SYBU: variants seen among roughly 807,000 people sequenced by gnomAD.
The protein encoded by SYBU is GOLSYN A protein.
SYBU carries 21 observed loss-of-function variants against 35.9 expected under a neutral mutation model. The observed-to-expected ratio is 0.58, with a 90% CI of 0.41 to 0.84. The LOEUF is 0.84. SYBU is among the 40% of genes least tolerant of loss of function. SYBU has a pLI of 0.00. For missense variants in SYBU, 768 were observed against 848.2 expected (o/e 0.91, Z 1.17); for synonymous variants, 319 against 324.3 (o/e 0.98, Z 0.18).
At position 109,624,197 on chromosome 8, in the gene SYBU, A is replaced by C. The variant is rs115035849; in HGVS notation, c.230-5158T>G. Among the ~76,000 whole-genome samples, 1,239 of 152,320 alleles carry C rather than the reference A, an allele frequency of 8.1e-3. 8 individuals carry two copies. Among genetic ancestry groups the C allele is most frequent in the African/African-American group, 0.028 (1,181 of 41,562 alleles). On this transcript the variant is annotated intron_variant, in intron 2 of 6. Transcript: ENST00000276646. The stretch of plus-strand genomic sequence containing the variant: ...ACTGAGTTCATGGTCATATAAAAAA[A>C]CACATTACAGAGATAGAGAAAGGCC...
intron 1 of SYBU, among the ~76,000 whole-genome samples, chr8:109,654,165 A>G (rs1285603675): frequency 3.3e-5 from 5 of 152,272 alleles, no homozygotes; most frequent in South Asian, 2.1e-4. Flanking sequence ...ATATATTTCT[A>G]GTACAACCTG....
At chr8:109,623,843 GA>G (rs1812696055) in intron 2 of SYBU, among the ~76,000 whole-genome samples, 1 of 152,056 alleles carries the variant, frequency 6.6e-6, no homozygotes, top group Admixed American at 6.6e-5. Context: ...TGTGAAATCT[GA>G]AATACAGAAG....
At chr8:109,615,625 C>T (rs867732409) in intron 3 of SYBU, among the ~76,000 whole-genome samples, 1 of 152,122 alleles carries the variant, frequency 6.6e-6, no homozygotes, top group Non-Finnish European at 1.5e-5. Flanking sequence ...TTTAGGGACC[C>T]CTTTACCTTG....
At chr8:109,616,557 TACTGTTTC>T (rs1418070361) in intron 3 of SYBU, among the ~76,000 whole-genome samples, 3 of 152,182 alleles carry the variant, frequency 2.0e-5, no homozygotes, top group Non-Finnish European at 4.4e-5. Context: ...CATACTTGTC[TACTGTTTC>T]ACTGTTTCCT....
intron 1 of SYBU, among the ~76,000 whole-genome samples, chr8:109,686,021 A>C (rs1200252404): frequency 1.3e-5 from 2 of 152,178 alleles, no homozygotes; most frequent in Non-Finnish European, 2.9e-5. Context: ...CAAGCACATC[A>C]CTCAAATATA....
At chr8:109,681,928 G>C (rs941028058), upstream of SYBU, among the ~76,000 whole-genome samples, 3 of 151,972 alleles carry the variant, frequency 2.0e-5, no homozygotes, top group African/African-American at 7.3e-5. Context: ...TTTTATAAGG[G>C]GTTTCTCCCC....
chr8:109,575,107 G>A lies in SYBU; in HGVS notation c.1791C>T (p.Gly597=), dbSNP rs758731226. 3.7e-6 allele frequency: 6 copies of A among 1,612,522 alleles called. No homozygotes were observed. The highest frequency in any genetic ancestry group is 3.4e-6 in the Non-Finnish European group (4 of 1,179,040). Residue 597 remains glycine (G), a synonymous_variant, in exon 7 of 7, where the codon GGC becomes GGT. Coordinates refer to ENST00000276646, the MANE Select transcript of SYBU (RefSeq NM_001099754.2). ...LDGVIPLARG[G]VVRQYWSSSF... Reference sequence around the variant, plus strand: ...TGCTGCTCCAGTACTGCCTCACGACGCCCCCGCGAGCCAGTGGGATGACAC... The same window carrying A: ...TGCTGCTCCAGTACTGCCTCACGACACCCCCGCGAGCCAGTGGGATGACAC...
Position 109,691,226 on chromosome 8 carries a change from G to C in SYBU, c.-58+107C>G, listed in dbSNP as rs746305905. 5.9e-4 allele frequency: 396 copies of C among 668,378 alleles called. No individual in the cohort carries two copies. Among genetic ancestry groups the C allele is most frequent in the Non-Finnish European group, 8.7e-4 (320 of 368,246 alleles). The allele number at this position is 668,378 out of a possible 1,614,324, so 41.4% of individuals were successfully genotyped here. A position where few individuals can be genotyped will look rare whatever the true frequency, so the allele number is the denominator to read the frequency against. ...TCCCGCATTGGAAAGGGTGGTCCTG[G>C]GGTCCGGAGCGCCCCATCACTGCCC... On this transcript the variant is annotated intron_variant, in intron 1 of 7. Transcript: ENST00000422135. This position sits in a 1 kb window ranked among gnomAD's most constrained non-coding sequence, Gnocchi z 4.7.
At chr8:109,604,520 C>A (rs116892901) in intron 3 of SYBU, among the ~76,000 whole-genome samples, 1,732 of 152,206 alleles carry the variant, frequency 0.011, 17 homozygotes, top group Non-Finnish European at 0.02. Context: ...TTTAAAAAAA[C>A]AAATGAGTAG....
chr8:109,686,271 G>C lies in SYBU; in HGVS notation c.-58+5062C>G, dbSNP rs187367687. On this transcript the variant is annotated intron_variant, in intron 1 of 7. Transcript: ENST00000422135. ...GGAGCGACAGGAAATGTTCCCCTTT[G>C]ATTAAAATTTAAAAACAACTTTATT... Among the ~76,000 whole-genome samples the C allele has an allele frequency of 1.6e-3, 247 of 151,856 alleles. 1 individual carries two copies. Among genetic ancestry groups the C allele is most frequent in the African/African-American group, 5.1e-3 (210 of 41,404 alleles).
chr8:109,686,473 G>C (rs1817521738), intron 1 of SYBU, among the ~76,000 whole-genome samples: 1 of 152,124 alleles, frequency 6.6e-6, no homozygotes, highest in Non-Finnish European at 1.5e-5. Context: ...AGGTTTAATG[G>C]CTCCTACTCA....
At chr8:109,673,012 A>G (rs997147933) in intron 1 of SYBU, among the ~76,000 whole-genome samples, 1 of 152,204 alleles carries the variant, frequency 6.6e-6, no homozygotes, top group Non-Finnish European at 1.5e-5. Flanking sequence ...GCATCTCTGA[A>G]AGAAAAGCAG....
At chr8:109,637,537 T>C (rs1029161831) in intron 2 of SYBU, among the ~76,000 whole-genome samples, 4 of 151,898 alleles carry the variant, frequency 2.6e-5, no homozygotes, top group African/African-American at 9.7e-5. Context: ...TTTATTATAC[T>C]ACATTTCCTA....
At chr8:109,579,683 G>T in intron 5 of SYBU, 116 bp downstream of exon 5, 1 of 956,480 alleles carries the variant, frequency 1.0e-6, no homozygotes, top group Non-Finnish European at 1.6e-6. Context: ...AAAATGCAGT[G>T]TCTTGTAGAA....
At chr8:109,646,788 T>C (rs1378267486), upstream of SYBU, 3 of 152,190 alleles carry the variant, frequency 2.0e-5, no homozygotes, top group Admixed American at 2.0e-4. Flanking sequence ...AGTGTCATCG[T>C]GGACTTTTTT....
At chr8:109,671,867 T>G (rs1336509096) in intron 1 of SYBU, among the ~76,000 whole-genome samples, 2 of 152,156 alleles carry the variant, frequency 1.3e-5, no homozygotes, top group African/African-American at 4.8e-5. Context: ...GTGTAAACCT[T>G]TTTGAAAAAC....
chr8:109,669,339 C>CAAAAAAAAA (rs533510895), intron 1 of SYBU, among the ~76,000 whole-genome samples: 4 of 49,682 alleles, frequency 8.1e-5, no homozygotes, highest in African/African-American at 1.2e-4. Flanking sequence ...GAGACTCCGT[C>CAAAAAAAAA]AAAAAAAAAA....
intron 2 of SYBU, among the ~76,000 whole-genome samples, chr8:109,622,177 A>G (rs1268515516): frequency 7.1e-6 from 1 of 139,870 alleles, no homozygotes; most frequent in Non-Finnish European, 1.5e-5. Context: ...ATAAAATAAT[A>G]TGAGTATCTA....
intron 3 of SYBU, among the ~76,000 whole-genome samples, chr8:109,587,425 T>C (rs935543176): frequency 7.2e-5 from 11 of 152,220 alleles, no homozygotes; most frequent in African/African-American, 2.7e-4. Flanking sequence ...TTATAGGTGA[T>C]AAATCCTGTC....
Sources: allele counts gnomAD v4.1 joint callset (sites outside exome capture counted in the v4.1 genomes callset), GRCh38; gene constraint gnomAD v4.1.1; non-coding constraint Gnocchi (gnomAD v3.1); transcripts MANE v1.5; gene names NCBI Gene and HGNC (gene_info 2026-07-23, HGNC 2026-07-21).